CSMD1: variants seen among roughly 807,000 people sequenced by gnomAD.
CSMD1 encodes CUB and Sushi multiple domains 1.
A neutral mutation model predicts 417.5 loss-of-function variants in CSMD1; 213 were observed. The ratio of observed to expected loss-of-function variants is 0.51; its 90% confidence interval spans 0.46 to 0.57. CSMD1 has a LOEUF of 0.57. Among genes scored for constraint, CSMD1 ranks in the 20% least tolerant of loss-of-function variants. CSMD1 has a pLI of 0.00. For missense variants in CSMD1, 6,923 were observed against 4,529.7 expected (o/e 1.53, Z -15.17); for synonymous variants, 2,862 against 1,736.8 (o/e 1.65, Z -16.11).
chr8:3,000,202 T>C, intron 52 of CSMD1, 71 bp from the exon 53 acceptor site: 1 of 1,133,010 alleles, frequency 8.8e-7, no homozygotes, highest in East Asian at 2.6e-5. Flanking sequence ...TCACAACTTT[T>C]ATTATCAAGT....
intron 28 of CSMD1, among the ~76,000 whole-genome samples, chr8:3,222,193 C>T (rs985266598): frequency 6.6e-6 from 1 of 152,106 alleles, no homozygotes; most frequent in Non-Finnish European, 1.5e-5. Flanking sequence ...TTCAAACTTC[C>T]AGAGGGGTGT....
Position 4,994,571 on chromosome 8 carries a change from G to A in CSMD1, c.-155C>T. ...GCATCCGACGCCTCCTGAAGGTCTG[G>A]GCGCCCGGCTCGCTTCCCTCTCATA... On this transcript the variant is annotated 5_prime_UTR_variant, in exon 1 of 70. Transcript: ENST00000635120. 1 of 661,268 alleles carries A rather than the reference G, an allele frequency of 1.5e-6. No homozygotes were observed. Among genetic ancestry groups the A allele is most frequent in the Non-Finnish European group, 2.6e-6 (1 of 377,444 alleles). 41.0% of individuals were successfully genotyped at this position (661,268 alleles called of 1,614,324 possible).
rs529650683 is a variant in CSMD1, at chr8:4,692,586, C to T, written c.86-55028G>A. On this transcript the variant is annotated intron_variant, in intron 1 of 69. Transcript: ENST00000635120. ...GAAGACTGTGAGCCATGGGTGAGAGCGTTTCCAAGGATTCTGCAGGCAAAG... is the reference window on the plus strand; with the variant it reads ...GAAGACTGTGAGCCATGGGTGAGAGTGTTTCCAAGGATTCTGCAGGCAAAG... Among the ~76,000 whole-genome samples the T allele has an allele frequency of 2.7e-4, 41 of 152,256 alleles. No individual in the cohort carries two copies. The South Asian group carries it at 4.8e-3, about 18-fold the overall frequency.
chr8:3,703,186 G>A (rs923405329), intron 7 of CSMD1, among the ~76,000 whole-genome samples: 23 of 152,138 alleles, frequency 1.5e-4, no homozygotes, highest in African/African-American at 5.3e-4. Flanking sequence ...ACTTAATGTT[G>A]AGAGTCGCCC....
At chr8:3,756,836 C>T (rs1053170679) in intron 5 of CSMD1, among the ~76,000 whole-genome samples, 6 of 151,924 alleles carry the variant, frequency 3.9e-5, no homozygotes, top group African/African-American at 9.7e-5. Flanking sequence ...TGCTCTTTCA[C>T]GCAGGCTGGA....
chr8:3,389,982 T>G (rs1811249046), intron 17 of CSMD1, among the ~76,000 whole-genome samples: 1 of 152,154 alleles, frequency 6.6e-6, no homozygotes, highest in Non-Finnish European at 1.5e-5. Flanking sequence ...GGTAGAATTA[T>G]GATACTACAT....
chr8:3,607,890 C>A (rs1801697722), intron 8 of CSMD1, among the ~76,000 whole-genome samples: 1 of 152,162 alleles, frequency 6.6e-6, no homozygotes, highest in African/African-American at 2.4e-5. Context: ...AAGGAAGTAG[C>A]CAGGCACAGT....
intron 3 of CSMD1, among the ~76,000 whole-genome samples, chr8:4,398,415 T>A (rs13260271): frequency 1.5e-5 from 2 of 129,130 alleles, no homozygotes; most frequent in Non-Finnish European, 3.2e-5. Context: ...TTTTGTGAGA[T>A]AGAGTCTCAC....
At chr8:3,885,747 C>T (rs565881352) in intron 5 of CSMD1, among the ~76,000 whole-genome samples, 1 of 152,198 alleles carries the variant, frequency 6.6e-6, no homozygotes, top group Non-Finnish European at 1.5e-5. Context: ...CCTTCTCCAT[C>T]TCACAAACAA....
chr8:4,234,465 C>T (rs754949228), intron 3 of CSMD1, among the ~76,000 whole-genome samples: 53 of 152,112 alleles, frequency 3.5e-4, no homozygotes, highest in African/African-American at 1.3e-3. Flanking sequence ...CTCTGTGTGG[C>T]CATTTGAGAC....
intron 3 of CSMD1, among the ~76,000 whole-genome samples, chr8:4,048,161 C>G (rs557839967): frequency 8.5e-4 from 129 of 152,260 alleles, no homozygotes; most frequent in Non-Finnish European, 1.7e-3. Context: ...TGTACGCAGT[C>G]AGACTTTGTT....
chr8:2,955,867 G>A, intron 63 of CSMD1, 99 bp from the exon 64 acceptor site: 1 of 999,718 alleles, frequency 1.0e-6, no homozygotes, highest in East Asian at 2.4e-5. Context: ...AAATGGTTAT[G>A]CAGTCAATAT....
At chr8:4,476,446 A>T (rs1800806839) in intron 2 of CSMD1, among the ~76,000 whole-genome samples, 1 of 152,236 alleles carries the variant, frequency 6.6e-6, no homozygotes, top group Non-Finnish European at 1.5e-5. Context: ...ATATATACAT[A>T]TGGTAAAATC....
At chr8:3,915,405 C>CAAAAAA (rs778981187) in intron 5 of CSMD1, among the ~76,000 whole-genome samples, 7 of 76,286 alleles carry the variant, frequency 9.2e-5, no homozygotes, top group African/African-American at 3.2e-4. Flanking sequence ...GACTCTGTCT[C>CAAAAAA]AAAAAAAAAA....
chr8:3,458,658 A>C (rs1816305609), intron 12 of CSMD1, among the ~76,000 whole-genome samples: 1 of 152,242 alleles, frequency 6.6e-6, no homozygotes, highest in South Asian at 2.1e-4. Context: ...CACCTAAAGA[A>C]AACAATAGCA....
intron 3 of CSMD1, among the ~76,000 whole-genome samples, chr8:4,120,495 G>T (rs978060863): frequency 6.6e-6 from 1 of 152,126 alleles, no homozygotes; most frequent in Non-Finnish European, 1.5e-5. Context: ...AGAAGAACCA[G>T]GAGATCAATT....
rs528013954 is a variant in CSMD1, at chr8:3,718,575, C to G, written c.932-10084G>C. Among the ~76,000 whole-genome samples the G allele has an allele frequency of 5.3e-4, 80 of 152,166 alleles. No individual in the cohort carries two copies. In the South Asian group the frequency reaches 0.014, roughly 26 times the overall value. On this transcript the variant is annotated intron_variant, in intron 6 of 69. Transcript: ENST00000635120. ...AATTTAATGTCGCTTAATAGCAGCA[C>G]TAAATTAAAAGATAAATGTCTCATA...
At chr8:3,315,503 C>T (rs952900035) in intron 23 of CSMD1, among the ~76,000 whole-genome samples, 2 of 150,228 alleles carry the variant, frequency 1.3e-5, no homozygotes, top group African/African-American at 4.9e-5. Flanking sequence ...GTTTTTTAAG[C>T]TACAGATGCT....
At chr8:4,108,216 A>G (rs1052092514) in intron 3 of CSMD1, among the ~76,000 whole-genome samples, 1 of 152,166 alleles carries the variant, frequency 6.6e-6, no homozygotes, top group Non-Finnish European at 1.5e-5. Flanking sequence ...GCTTATGTGA[A>G]GTCCTTCGTA....
Sources: allele counts gnomAD v4.1 joint callset (sites outside exome capture counted in the v4.1 genomes callset), GRCh38; gene constraint gnomAD v4.1.1; transcripts MANE v1.5; gene names NCBI Gene and HGNC (gene_info 2026-07-23, HGNC 2026-07-21).